The following PNPLA7 variants were observed in gnomAD, a reference collection of about 807,000 sequenced individuals.
PNPLA7 encodes patatin like domain 7, lysophospholipase, also known as patatin-like phospholipase domain-containing protein 7.
In PNPLA7, 153 loss-of-function variants were observed where a neutral mutation model predicts 161.7. That is an observed-to-expected ratio of 0.95 (90% CI 0.83 to 1.08). The LOEUF is 1.08. Ranked by LOEUF, PNPLA7 falls within the 50% of genes least tolerant of loss-of-function variation. The pLI, the probability that PNPLA7 is intolerant of heterozygous loss-of-function variation, is 0.00. For missense variants in PNPLA7, 1,739 were observed against 1,856.6 expected, an observed-to-expected ratio of 0.94 and a Z score of 1.16; for synonymous variants, 809 against 782.1, an observed-to-expected ratio of 1.03 and a Z score of -0.57.
rs376048567 is a variant in PNPLA7 at position 137,460,399 on chromosome 9, G to T, written c.4023C>A (p.Asp1341Glu). 4 of 1,612,156 alleles carry T rather than the reference G, an allele frequency of 2.5e-6. No homozygotes were observed. The African/African-American group carries it at 5.3e-5, about 22-fold the overall frequency. ...GGCTCTTTAGCAGAGGCCTCTACCC[G>T]TCCTGGTCAGAGGAGCCCTCAGACA... ...PKLSEGSSDQ[D>E]G The change falls in exon 35 of 35, where the codon GAC (aspartate) becomes GAA (glutamate). Residue 1341 changes from aspartate (D) to glutamate (E), a missense_variant. Physicochemically the swap from Asp to Glu is conservative, Grantham distance 45. Around this residue, in one of 6 missense-constraint regions of PNPLA7, gnomAD observed 703 missense variants for 694.6 expected, o/e 1.01. Coordinates refer to ENST00000406427, the MANE Select transcript of PNPLA7 (RefSeq NM_001098537.3).
chr9:137,511,089 G>T (rs531411226), intron 12 of PNPLA7, among the ~76,000 whole-genome samples: 86 of 152,364 alleles, frequency 5.6e-4, no homozygotes, highest in African/African-American at 1.5e-3. Context: ...CCAGATAAGG[G>T]CCGCTTGAGG....
At position 137,462,226 on chromosome 9, in the gene PNPLA7, T is replaced by TA; in HGVS notation, c.3597_3598insT (p.Ile1200TyrfsTer28). On this transcript the variant is annotated frameshift_variant, in exon 31 of 35. Coordinates refer to ENST00000406427, the MANE Select transcript of PNPLA7 (RefSeq NM_001098537.3). LOFTEE classifies it high-confidence loss of function. ...AAGTCCAGGGTGCTGTAGCTGTCGA[T>TA]GGGGGGGCGCAGGTACTCGCAGTAG... 6.2e-7 allele frequency: 1 copy of TA among 1,604,938 alleles called. No individual in the cohort carries two copies.
At chr9:137,461,759 G>A in intron 32 of PNPLA7, 139 bp from the exon 33 acceptor site, 1 of 1,202,362 alleles carries the variant, frequency 8.3e-7, no homozygotes, top group Non-Finnish European at 1.2e-6. Flanking sequence ...GCAGGGACCG[G>A]GGAGATGCGC....
intron 15 of PNPLA7, among the ~76,000 whole-genome samples, chr9:137,501,252 AG>A (rs1340901260): frequency 6.6e-6 from 1 of 152,088 alleles, no homozygotes; most frequent in East Asian, 1.9e-4. Context: ...CTGGCCTCTG[AG>A]GGGTGGGCTC....
At position 137,475,643 on chromosome 9, in the gene PNPLA7, G is replaced by A. The variant is rs576405127; in HGVS notation, c.2882+2391C>T. Among the ~76,000 whole-genome samples, 154 of 151,624 alleles carry A rather than the reference G, an allele frequency of 1.0e-3. 1 individual carries two copies. The South Asian group carries it at 0.018, about 17-fold the overall frequency. On this transcript the variant is annotated intron_variant, in intron 25 of 34. Transcript: ENST00000406427. ...CCCACCTTGGCCTCCCAAAGTGCTG[G>A]GATTACAGGCGTGAGCCACTGTGCC...
chr9:137,531,892 C>T (rs1017528719), intron 8 of PNPLA7, among the ~76,000 whole-genome samples: 11 of 152,164 alleles, frequency 7.2e-5, no homozygotes, highest in African/African-American at 2.7e-4. Context: ...AGGGTTAAAA[C>T]TATATAACCT....
intron 25 of PNPLA7, among the ~76,000 whole-genome samples, chr9:137,469,774 C>T (rs1466628655): frequency 6.6e-6 from 1 of 152,100 alleles, no homozygotes; most frequent in Non-Finnish European, 1.5e-5. Context: ...GGGACCAATT[C>T]GACGGACAGC....
chr9:137,464,562 G>T, intron 26 of PNPLA7, 106 bp from the exon 27 acceptor site: 1 of 1,041,444 alleles, frequency 9.6e-7, no homozygotes, highest in Non-Finnish European at 1.5e-6. Context: ...CGGGGGTCCA[G>T]AGTGTCCTTG....
At chr9:137,494,738 G>A (rs558182244) in intron 19 of PNPLA7, among the ~76,000 whole-genome samples, 8 of 143,452 alleles carry the variant, frequency 5.6e-5, no homozygotes, top group Non-Finnish European at 1.1e-4. Flanking sequence ...CACCAGCTCC[G>A]CACCCTCACC....
chr9:137,464,417 A>C lies in PNPLA7; in HGVS notation c.3079T>G (p.Tyr1027Asp), dbSNP rs1831371228. 1.9e-6 allele frequency: 3 copies of C among 1,613,906 alleles called. No homozygotes were observed. The highest frequency in any genetic ancestry group is 2.5e-6 in the Non-Finnish European group (3 of 1,179,984). The change falls in exon 27 of 35, where the codon TAC (tyrosine) becomes GAC (aspartate). Residue 1027 changes from tyrosine to aspartate, a missense_variant. This residue lies in a region of PNPLA7 where 703 missense variants were observed against 694.6 expected (regional missense o/e 1.01). Transcript: ENST00000406427. ...CCGGAGAACATGGACGTGATGGGGTAGGTGAGGTCCAGCGCGGCCTTCATC... is the reference window on the plus strand; with the variant it reads ...CCGGAGAACATGGACGTGATGGGGTCGGTGAGGTCCAGCGCGGCCTTCATC... ...SLMKAALDLT[Y>D]PITSMFSGAG...
chr9:137,510,904 T>A (rs1447576356), intron 12 of PNPLA7, among the ~76,000 whole-genome samples: 1 of 152,278 alleles, frequency 6.6e-6, no homozygotes, highest in Admixed American at 6.5e-5. Context: ...GAGAAAGTTA[T>A]ATTCGAAATA....
intron 20 of PNPLA7, among the ~76,000 whole-genome samples, chr9:137,485,052 C>T (rs1832405578): frequency 6.6e-6 from 1 of 152,236 alleles, no homozygotes; most frequent in Non-Finnish European, 1.5e-5. Context: ...AGCCATGTGG[C>T]TGCCTAGGCC....
In PNPLA7 at chr9:137,461,960, G is replaced by A; in HGVS notation, c.3727C>T (p.Gln1243Ter). Residue 1243 changes from glutamine (Q) to a stop codon, truncating the protein, a stop_gained, in exon 32 of 35, where the codon CAG becomes TAG. Transcript: ENST00000406427. LOFTEE classifies it high-confidence loss of function. ...GVLEKMLRDQ[Q>*]GPSKKPASAV... ...CTCGCGGGCTTCTTGCTCGGCCCCT[G>A]CTGGTCGCGGAGCATCTTCTCCAGC... 6.3e-7 allele frequency: 1 copy of A among 1,593,590 alleles called. No homozygotes were observed. The highest frequency in any genetic ancestry group is 8.5e-7 in the Non-Finnish European group (1 of 1,174,002).
In PNPLA7 at chr9:137,464,200, G is replaced by C; in HGVS notation, c.3157-5C>G. On this transcript the variant is annotated splice_region_variant and splice_polypyrimidine_tract_variant and intron_variant, in intron 27 of 34. Transcript: ENST00000406427. ...GAAATAAGGAATCCACAGGTCCTGC[G>C]GGCGGACGGGGCTCAGATGGGCCCT... is the stretch of plus-strand genomic sequence containing the variant. 2 of 1,613,744 alleles carry C rather than the reference G, an allele frequency of 1.2e-6. No individual in the cohort carries two copies. The highest frequency in any genetic ancestry group is 3.3e-4 in the Middle Eastern group (2 of 6,062).
chr9:137,502,566 G>A (rs1163104859), intron 14 of PNPLA7, among the ~76,000 whole-genome samples: 1 of 143,806 alleles, frequency 7.0e-6, no homozygotes, highest in South Asian at 2.3e-4. Flanking sequence ...CGGAGAGGCC[G>A]CATCGCCCCA....
intron 25 of PNPLA7, among the ~76,000 whole-genome samples, chr9:137,474,427 G>A (rs544891587): frequency 6.6e-6 from 1 of 152,114 alleles, no homozygotes; most frequent in Non-Finnish European, 1.5e-5. Context: ...GTTATGTCGC[G>A]TGATCAACGC....
intron 8 of PNPLA7, among the ~76,000 whole-genome samples, chr9:137,526,336 G>C (rs1384623792): frequency 6.6e-6 from 1 of 152,094 alleles, no homozygotes. Flanking sequence ...GGAGTGCAAT[G>C]GCGCGATCTC....
chr9:137,522,675 C>T, intron 9 of PNPLA7, 54 bp downstream of exon 9: 4 of 1,589,776 alleles, frequency 2.5e-6, no homozygotes, highest in South Asian at 2.2e-5. Context: ...AGTGCCCAGG[C>T]CCCCCCAGGG....
At chr9:137,473,991 C>A (rs368257922) in intron 25 of PNPLA7, among the ~76,000 whole-genome samples, 25 of 152,184 alleles carry the variant, frequency 1.6e-4, no homozygotes, top group African/African-American at 5.8e-4. Flanking sequence ...GTAATCCCGG[C>A]ACTTTGTGAG....
Sources: allele counts gnomAD v4.1 joint callset (sites outside exome capture counted in the v4.1 genomes callset), GRCh38; gene constraint gnomAD v4.1.1; regional missense constraint gnomAD v4.1.1; transcripts MANE v1.5; gene names NCBI Gene and HGNC (gene_info 2026-07-23, HGNC 2026-07-21).